The following NDRG4 variants were observed in gnomAD, a reference collection of about 807,000 sequenced individuals.
The protein encoded by NDRG4 is NDRG family member 4.
Under a neutral mutation model 55.8 loss-of-function variants are expected in NDRG4, and 38 were observed. That is an observed-to-expected ratio of 0.68 (90% confidence interval 0.53 to 0.89). NDRG4 has a LOEUF of 0.89. Among genes scored for constraint, NDRG4 ranks in the 40% least tolerant of loss-of-function variants. NDRG4 has a pLI of 0.00. For missense variants in NDRG4, 455 were observed against 468.6 expected, an observed-to-expected ratio of 0.97 and a Z score of 0.27; for synonymous variants, 190 against 182.7, an observed-to-expected ratio of 1.04 and a Z score of -0.32.
At position 58,503,188 on chromosome 16, in the gene NDRG4, A is replaced by T. The variant is rs561799119; in HGVS notation, c.22-610A>T. 1.5e-4 allele frequency among the ~76,000 whole-genome samples: 23 copies of T among 152,134 alleles called. No homozygotes were observed. The South Asian group carries it at 4.8e-3, about 32-fold the overall frequency. On this transcript the variant is annotated intron_variant, in intron 1 of 14. Coordinates refer to ENST00000570248, the MANE Select transcript of NDRG4 (RefSeq NM_001242835.2). ...AGCAGGCTCTGCAGAAGGCCTCTAGAGGGGATGGGGAGGGGGGTCTGACCC... is the reference window on the plus strand; with the variant it reads ...AGCAGGCTCTGCAGAAGGCCTCTAGTGGGGATGGGGAGGGGGGTCTGACCC...
chr16:58,511,580 C>T lies in NDRG4; in HGVS notation c.*4C>T, dbSNP rs1435037386. ...CACCATGGAGGTGTCCTGTTGAAGC[C>T]CTTGATCCCGCTGACGACGCCCACG... is the stretch of plus-strand genomic sequence containing the variant. On this transcript the variant is annotated 3_prime_UTR_variant, in exon 15 of 15. Coordinates refer to ENST00000570248, the MANE Select transcript of NDRG4 (RefSeq NM_001242835.2). 3.7e-6 allele frequency: 6 copies of T among 1,612,984 alleles called. No homozygotes were observed. Among genetic ancestry groups the T allele is most frequent in the Non-Finnish European group, 5.1e-6 (6 of 1,179,970 alleles).
At chr16:58,494,978 C>G in exon 3 of NDRG4, 1 of 1,613,714 alleles carries the variant, frequency 6.2e-7, no homozygotes. Context: ...GCTCCGATGC[C>G]TTCCTCTTGG....
At chr16:58,500,633 C>G in intron 1 of NDRG4, 1 of 493,776 alleles carries the variant, frequency 2.0e-6, no homozygotes, top group Non-Finnish European at 3.6e-6. Context: ...CGTGTGCCCT[C>G]TGGTGTGCGC....
rs199649047 is a variant in NDRG4, at chr16:58,506,590, G to A, written c.492G>A (p.Thr164=). 4.5e-6 allele frequency: 7 copies of A among 1,570,492 alleles called. No individual in the cohort carries two copies. The highest frequency in any genetic ancestry group is 1.7e-4 in the Middle Eastern group (1 of 5,816). ...LSGLTSTLPD[T]VLSHLFSQEE... ...GCCTAACTAGCACTTTACCCGACAC[G>A]GTGCTCTCCCACCTCTTCAGCCAGG... is the stretch of plus-strand genomic sequence containing the variant. Residue 164 remains threonine, a synonymous_variant, in exon 7 of 15, where the codon ACG becomes ACA. Coordinates refer to ENST00000570248, the MANE Select transcript of NDRG4 (RefSeq NM_001242835.2).
downstream of NDRG4, among the ~76,000 whole-genome samples, chr16:58,514,070 A>G (rs2039044692): frequency 6.6e-6 from 1 of 152,252 alleles, no homozygotes. Context: ...TCCTTCAAAG[A>G]TAAATGACCT....
Position 58,504,185 on chromosome 16 carries a change from C to G in NDRG4, c.159C>G (p.Phe53Leu), listed in dbSNP as rs760614649. The change falls in exon 3 of 15, where the codon TTC becomes TTG. Residue 53 changes from phenylalanine to leucine, a missense_variant. Coordinates refer to ENST00000570248, the MANE Select transcript of NDRG4 (RefSeq NM_001242835.2). ...HKLCFNTFFN[F>L]EDMQEITKHF... is the part of the protein sequence containing the mutation. ...TATGCTTCAACACCTTCTTCAACTT[C>G]GAGGACATGCAGGAGATCACCAAGC... The G allele has an allele frequency of 4.3e-6, 7 of 1,614,200 alleles. No homozygotes were observed. The East Asian group carries it at 1.1e-4, about 26-fold the overall frequency.
intron 1 of NDRG4, chr16:58,500,766 G>A (rs960025660): frequency 2.7e-5 from 11 of 413,598 alleles, no homozygotes; most frequent in South Asian, 9.7e-5. Context: ...AGGGGCTGCC[G>A]TCCCAGTGGG....
chr16:58,464,855 T>C lies in NDRG4; in HGVS notation c.-24+1058T>C. ...CCATGGACCTCTTATTTCTGCGCCC[T>C]GTGACAATCTGAGCCGTCTTTCTCT... is the stretch of plus-strand genomic sequence containing the variant. On this transcript the variant is annotated intron_variant, in intron 1 of 15. Coordinates refer to the NDRG4 transcript ENST00000258187. This position sits in a 1 kb window ranked among gnomAD's most constrained non-coding sequence, Gnocchi z 4.8. The C allele has an allele frequency of 8.2e-7, 1 of 1,212,904 alleles. No homozygotes were observed. Among genetic ancestry groups the C allele is most frequent in the South Asian group, 1.7e-5 (1 of 57,880 alleles). The allele number at this position is 1,212,904 out of a possible 1,614,324, so 75.1% of individuals were successfully genotyped here.
intron 14 of NDRG4, 23 bp from the exon 15 acceptor site, chr16:58,511,399 G>C: frequency 6.3e-7 from 1 of 1,587,802 alleles, no homozygotes; most frequent in African/African-American, 1.3e-5. Context: ...CAGTCCTCAG[G>C]CCCATCCTGT....
intron 5 of NDRG4, chr16:58,506,133 C>CGTGGGTGTGT: frequency 1.9e-6 from 1 of 539,520 alleles, no homozygotes; most frequent in Non-Finnish European, 3.3e-6. Context: ...GTTGAAAGAG[C>CGTGGGTGTGT]GTGTGTGTGT....
intron 1 of NDRG4, among the ~76,000 whole-genome samples, chr16:58,466,470 G>A (rs1230893378): frequency 6.6e-6 from 1 of 152,228 alleles, no homozygotes; most frequent in Non-Finnish European, 1.5e-5. Context: ...GAGACCCCAT[G>A]CACTGTTCTC....
chr16:58,503,971 C>T (rs758643013), intron 2 of NDRG4, 68 bp downstream of exon 2: 4 of 1,570,628 alleles, frequency 2.5e-6, no homozygotes, highest in South Asian at 1.1e-5. Context: ...AGGCCCCCCA[C>T]CCTCCCCACA....
intron 5 of NDRG4, among the ~76,000 whole-genome samples, chr16:58,505,713 C>CTTTTT (rs1028370131): frequency 4.1e-4 from 24 of 58,652 alleles, no homozygotes; most frequent in Admixed American, 6.6e-4. Context: ...GCTTCATTTT[C>CTTTTT]TTTTTTTTTT....
intron 1 of NDRG4, among the ~76,000 whole-genome samples, chr16:58,476,253 T>C (rs1204145546): frequency 1.1e-4 from 17 of 152,302 alleles, no homozygotes; most frequent in Middle Eastern, 3.4e-3. Context: ...GGAGAACAGA[T>C]ATGGGGGGAT....
chr16:58,510,515 CCTCT>C, intron 13 of NDRG4, 126 bp from the exon 14 acceptor site: 1 of 764,194 alleles, frequency 1.3e-6, no homozygotes, highest in Non-Finnish European at 2.2e-6. Flanking sequence ...CTGCCCCCAG[CCTCT>C]CTGTGCCTGT....
At chr16:58,467,681 G>T (rs2031949035) in intron 1 of NDRG4, among the ~76,000 whole-genome samples, 1 of 152,154 alleles carries the variant, frequency 6.6e-6, no homozygotes, top group African/African-American at 2.4e-5. Flanking sequence ...CATTCTAACT[G>T]CCTGGCTTTG....
intron 1 of NDRG4, among the ~76,000 whole-genome samples, chr16:58,477,725 T>C (rs1450426321): frequency 7.1e-6 from 1 of 140,838 alleles, no homozygotes. Flanking sequence ...ACCAAAGTAA[T>C]AATTGCTGTA....
chr16:58,510,669 T>C lies in NDRG4; in HGVS notation c.890T>C (p.Leu297Pro). 6.5e-7 allele frequency: 1 copy of C among 1,536,002 alleles called. No individual in the cohort carries two copies. The change falls in exon 14 of 15, where the codon CTG (leucine) becomes CCG (proline). Residue 297 changes from leucine to proline, a missense_variant. Transcript: ENST00000570248. ...GTTGCGTACTTGAAGGACCGAAGGC[T>C]GAGTGGAGGAGCAGGTAGCCCCACG... Reference protein sequence around the residue: ...GYIAYLKDRRLSGGAVPSASM... With the variant: ...GYIAYLKDRRPSGGAVPSASM...
At chr16:58,510,584 T>C in intron 13 of NDRG4, 61 bp from the exon 14 acceptor site, 2 of 1,414,214 alleles carry the variant, frequency 1.4e-6, no homozygotes, top group Non-Finnish European at 1.9e-6. Context: ...CGGACCACGC[T>C]CTTCACTGTG....
Sources: allele counts gnomAD v4.1 joint callset (sites outside exome capture counted in the v4.1 genomes callset), GRCh38; gene constraint gnomAD v4.1.1; non-coding constraint Gnocchi (gnomAD v3.1); transcripts MANE v1.5; gene names NCBI Gene and HGNC (gene_info 2026-07-23, HGNC 2026-07-21).